AGAP1: variants seen among roughly 807,000 people sequenced by gnomAD.
AGAP1 encodes ArfGAP with GTPase domain, ankyrin repeat and PH domain 1, also known as arf-GAP with GTPase, ANK repeat and PH domain-containing protein 1.
In AGAP1, 29 loss-of-function variants were observed where a neutral mutation model predicts 105.3. The ratio of observed to expected loss-of-function variants is 0.28; its 90% CI spans 0.21 to 0.38. The LOEUF (loss-of-function observed/expected upper bound fraction) is 0.38. AGAP1 is among the 10% of genes least tolerant of loss of function. AGAP1 has a pLI of 1.00. For missense variants in AGAP1, 998 were observed against 1,165.1 expected (o/e 0.86, Z 2.09); for synonymous variants, 509 against 485.9 (o/e 1.05, Z -0.63).
At chr2:235,579,633 G>A (rs777172587) in intron 1 of AGAP1, among the ~76,000 whole-genome samples, 21 of 152,058 alleles carry the variant, frequency 1.4e-4, no homozygotes, top group Non-Finnish European at 2.1e-4. Context: ...GAAATTAGCC[G>A]GGCGTGGTGG....
In AGAP1 at chr2:236,109,995, T is replaced by A. The variant is rs1350752490; in HGVS notation, c.2115-10197T>A. Among the ~76,000 whole-genome samples the A allele has an allele frequency of 1.3e-5, 2 of 152,138 alleles. No homozygotes were observed. Among genetic ancestry groups the A allele is most frequent in the Non-Finnish European group, 2.9e-5 (2 of 68,028 alleles). On this transcript the variant is annotated intron_variant, in intron 16 of 17. Transcript: ENST00000304032. The surrounding 1 kb of genome is among the most constrained non-coding windows in gnomAD (Gnocchi z 5.4). The stretch of plus-strand genomic sequence containing the variant: ...TCTCAAAGCCCAGAGAGTCTGGTTG[T>A]ACAGATGGGAAGATGTTTCCTAATT...
At chr2:235,709,522 T>A (rs941832367) in intron 2 of AGAP1, among the ~76,000 whole-genome samples, 1 of 88,938 alleles carries the variant, frequency 1.1e-5, no homozygotes, top group African/African-American at 3.3e-5. Context: ...ATCTCGTGGG[T>A]GTGTGTGTGT....
chr2:236,032,271 C>G (rs2125644122), intron 13 of AGAP1, among the ~76,000 whole-genome samples: 1 of 152,240 alleles, frequency 6.6e-6, no homozygotes, highest in South Asian at 2.1e-4. Flanking sequence ...CATGGTTGAC[C>G]ACTGCAGACC....
intron 2 of AGAP1, among the ~76,000 whole-genome samples, chr2:235,715,821 C>T (rs908487479): frequency 1.3e-5 from 2 of 152,076 alleles, no homozygotes; most frequent in African/African-American, 4.8e-5. Flanking sequence ...GAGCGGACTC[C>T]CTGACTTCCA....
rs1168902352 is a variant in AGAP1 at position 236,105,442 on chromosome 2, A to C, written c.2115-14750A>C. 6.6e-6 allele frequency among the ~76,000 whole-genome samples: 1 copy of C among 152,048 alleles called. No individual in the cohort carries two copies. Among genetic ancestry groups the C allele is most frequent in the African/African-American group, 2.4e-5 (1 of 41,412 alleles). On this transcript the variant is annotated intron_variant, in intron 16 of 17. Coordinates refer to ENST00000304032, the MANE Select transcript of AGAP1 (RefSeq NM_001037131.3). This position sits in a 1 kb window ranked among gnomAD's most constrained non-coding sequence, Gnocchi z 4.2. ...CTGAGGAATGGGAAGTCCAAGGTCA[A>C]GGTGTTGGCTGATTCATTTCTGGTG...
chr2:235,694,665 GAAA>G (rs930909461), intron 1 of AGAP1, among the ~76,000 whole-genome samples: 2 of 151,242 alleles, frequency 1.3e-5, no homozygotes, highest in African/African-American at 4.9e-5. Context: ...AAAAAAAAAA[GAAA>G]AAAAGGAAGC....
At chr2:236,033,994 A>G (rs1197656206) in intron 13 of AGAP1, among the ~76,000 whole-genome samples, 1 of 152,238 alleles carries the variant, frequency 6.6e-6, no homozygotes, top group Non-Finnish European at 1.5e-5. Context: ...TGATCTCATA[A>G]TGAAAAATTG....
chr2:235,865,366 T>G lies in AGAP1; in HGVS notation c.1051-17979T>G, dbSNP rs1360186684. Reference sequence around the variant, plus strand: ...AGCTGACCTGTGTGTGGCGCAGCCTTGGGTTCCGCAAATAGGGCACCCACA... The same window carrying G: ...AGCTGACCTGTGTGTGGCGCAGCCTGGGGTTCCGCAAATAGGGCACCCACA... On this transcript the variant is annotated intron_variant, in intron 9 of 17. Transcript: ENST00000304032. This position sits in a 1 kb window ranked among gnomAD's most constrained non-coding sequence, Gnocchi z 6.2. Among the ~76,000 whole-genome samples the G allele has an allele frequency of 6.6e-6, 1 of 152,176 alleles. No individual in the cohort carries two copies. Among genetic ancestry groups the G allele is most frequent in the Non-Finnish European group, 1.5e-5 (1 of 68,022 alleles).
At chr2:236,103,516 C>A (rs1361993287) in intron 16 of AGAP1, among the ~76,000 whole-genome samples, 2 of 150,858 alleles carry the variant, frequency 1.3e-5, no homozygotes, top group African/African-American at 4.9e-5. Context: ...CTTTTCTTTT[C>A]TTTTTTTTCT....
chr2:235,675,162 T>C (rs1290990058), intron 1 of AGAP1, among the ~76,000 whole-genome samples: 1 of 150,326 alleles, frequency 6.7e-6, no homozygotes, highest in Admixed American at 6.7e-5. Flanking sequence ...AAAGGACACT[T>C]TTTGTTGGTT....
chr2:235,703,343 C>T (rs563636750), intron 1 of AGAP1, among the ~76,000 whole-genome samples: 5 of 152,218 alleles, frequency 3.3e-5, no homozygotes, highest in African/African-American at 1.2e-4. Context: ...AGCATGTGTG[C>T]CTGTCTCTGA....
intron 8 of AGAP1, among the ~76,000 whole-genome samples, chr2:235,802,974 G>GTGATGGTGA (rs1304678826): frequency 2.9e-4 from 8 of 27,592 alleles, no homozygotes; most frequent in South Asian, 3.3e-3. Context: ...GATGATGGTT[G>GTGATGGTGA]TGGTTGTGAT....
rs2125824994 is a variant in AGAP1 at position 236,078,166 on chromosome 2, G to A, written c.2114+28885G>A. On this transcript the variant is annotated intron_variant, in intron 16 of 17. Transcript: ENST00000304032. The surrounding 1 kb of genome is among the most constrained non-coding windows in gnomAD (Gnocchi z 5.3). ...GCAGGCCAGCCGGGGGTGTGTGTGT[G>A]TGTGTGTGTATATGTATGTGTGTGT... Among the ~76,000 whole-genome samples the A allele has an allele frequency of 6.6e-6, 1 of 152,032 alleles. No homozygotes were observed. The highest frequency in any genetic ancestry group is 2.4e-5 in the African/African-American group (1 of 41,470).
At chr2:235,756,712 C>T (rs1021522027) in intron 6 of AGAP1, among the ~76,000 whole-genome samples, 1 of 152,216 alleles carries the variant, frequency 6.6e-6, no homozygotes, top group African/African-American at 2.4e-5. Context: ...AGCTCCGCCT[C>T]CTGTCGGATC....
Position 236,120,129 on chromosome 2 carries a change from G to A in AGAP1, c.2115-63G>A. The A allele has an allele frequency of 1.9e-6, 3 of 1,559,902 alleles. No individual in the cohort carries two copies. The highest frequency in any genetic ancestry group is 2.5e-5 in the South Asian group (2 of 81,370). On this transcript the variant is annotated intron_variant, in intron 16 of 17. Coordinates refer to ENST00000304032, the MANE Select transcript of AGAP1 (RefSeq NM_001037131.3). The surrounding 1 kb of genome is among the most constrained non-coding windows in gnomAD (Gnocchi z 6.0). ...CGGCTTCTCCCGACCACACTGGGCA[G>A]GGGCTGGCAGCCTGTGTTCTCGGGC...
intron 1 of AGAP1, among the ~76,000 whole-genome samples, chr2:235,520,395 C>T (rs1286888490): frequency 6.6e-6 from 1 of 152,174 alleles, no homozygotes; most frequent in Non-Finnish European, 1.5e-5. Flanking sequence ...TCTCTCCTTC[C>T]CGGGGCCTGT....
At chr2:235,592,914 T>C (rs1478649649) in intron 1 of AGAP1, among the ~76,000 whole-genome samples, 1 of 152,126 alleles carries the variant, frequency 6.6e-6, no homozygotes, top group Non-Finnish European at 1.5e-5. Flanking sequence ...GGGAGACACC[T>C]GGCATCTCAA....
In AGAP1 at chr2:235,614,743, C is replaced by T. The variant is rs1336945726; in HGVS notation, c.164-94436C>T. Among the ~76,000 whole-genome samples, 1 of 152,144 alleles carries T rather than the reference C, an allele frequency of 6.6e-6. No homozygotes were observed. The highest frequency in any genetic ancestry group is 1.5e-5 in the Non-Finnish European group (1 of 68,038). ...CGAGACTGGCTAACTCAGTATTCAC[C>T]GTGAATTCTTTTGTGGGAAATAGAA... On this transcript the variant is annotated intron_variant, in intron 1 of 17. Transcript: ENST00000304032. This position sits in a 1 kb window ranked among gnomAD's most constrained non-coding sequence, Gnocchi z 4.7.
Position 236,123,976 on chromosome 2 carries a change from C to G in AGAP1, c.2428C>G (p.Arg810Gly). 5 of 1,613,968 alleles carry G rather than the reference C, an allele frequency of 3.1e-6. No individual in the cohort carries two copies. Among genetic ancestry groups the G allele is most frequent in the Non-Finnish European group, 4.2e-6 (5 of 1,179,982 alleles). Residue 810 changes from arginine to glycine, a missense_variant, in exon 18 of 18, where the codon CGG becomes GGG. Around this residue, in one of 3 missense-constraint regions of AGAP1, gnomAD observed 235 missense variants for 270.7 expected, o/e 0.87. Coordinates refer to ENST00000304032, the MANE Select transcript of AGAP1 (RefSeq NM_001037131.3). The surrounding 1 kb of genome is among the most constrained non-coding windows in gnomAD (Gnocchi z 4.6). ...CGGGAACACAGCTCTGGCCTACGCCCGGCAGGCCTCCAGCCAGGAGTGCAT... is the reference window on the plus strand; with the variant it reads ...CGGGAACACAGCTCTGGCCTACGCCGGGCAGGCCTCCAGCCAGGAGTGCAT... ...AHGNTALAYARQASSQECIDV... is the reference protein window; with the variant it reads ...AHGNTALAYAGQASSQECIDV...
Sources: gnomAD v4.1 joint callset for allele counts (sites outside exome capture counted in the v4.1 genomes callset) on GRCh38, gnomAD v4.1.1 for gene constraint, gnomAD v4.1.1 regional missense constraint, Gnocchi (gnomAD v3.1) non-coding constraint, MANE v1.5 for transcripts, NCBI Gene and HGNC (gene_info 2026-07-23, HGNC 2026-07-21) for gene names.